WNT3: variants seen among roughly 807,000 people sequenced by gnomAD.
WNT3 encodes proto-oncogene Wnt-3.
A neutral mutation model predicts 34.2 loss-of-function variants in WNT3; 7 were observed. The ratio of observed to expected loss-of-function variants is 0.20; its 90% CI spans 0.12 to 0.38. WNT3 has a LOEUF of 0.38. WNT3 is among the 10% of genes least tolerant of loss of function. The probability of loss-of-function intolerance (pLI) is 1.00; values close to 1 mark genes in which losing one functional copy is unlikely to be tolerated. For synonymous variants in WNT3, 212 were observed against 211.5 expected (o/e 1.00, Z -0.02); for missense variants, 267 against 499.8 (o/e 0.53, Z 4.44).
intron 1 of WNT3, among the ~76,000 whole-genome samples, chr17:46,816,434 G>A (rs954143450): frequency 1.3e-4 from 19 of 144,064 alleles, no homozygotes; most frequent in African/African-American, 4.6e-4. Context: ...ACACACTGGT[G>A]TATAGAAAAC....
intron 2 of WNT3, 111 bp downstream of exon 2, chr17:46,773,557 A>G (rs1021649318): frequency 2.3e-6 from 3 of 1,281,242 alleles, no homozygotes; most frequent in Non-Finnish European, 3.2e-6. Flanking sequence ...TCACCCTCCC[A>G]GAGGGACCCT....
intron 3 of WNT3, among the ~76,000 whole-genome samples, chr17:46,769,031 A>AAAT (rs1247078791): frequency 1.3e-5 from 2 of 152,218 alleles, no homozygotes; most frequent in Non-Finnish European, 2.9e-5. Context: ...ACAGCGCATG[A>AAAT]AATACGAGTT....
At chr17:46,771,289 G>A (rs1226833765) in intron 2 of WNT3, among the ~76,000 whole-genome samples, 1 of 152,132 alleles carries the variant, frequency 6.6e-6, no homozygotes, top group African/African-American at 2.4e-5. Flanking sequence ...CCCGCGTCCA[G>A]TTGTGCTCCC....
In WNT3 at chr17:46,763,696, G is replaced by A. The variant is rs1230944951; in HGVS notation, c.*934C>T. The A allele has an allele frequency of 6.6e-6, 1 of 152,066 alleles. No individual in the cohort carries two copies. The highest frequency in any genetic ancestry group is 1.5e-5 in the Non-Finnish European group (1 of 68,026). The allele number at this position is 152,066 out of a possible 1,614,324, so 9.4% of individuals were successfully genotyped here. A position where few individuals can be genotyped will look rare whatever the true frequency, so the allele number is the denominator to read the frequency against. On this transcript the variant is annotated 3_prime_UTR_variant, in exon 5 of 5. Coordinates refer to ENST00000225512, the MANE Select transcript of WNT3 (RefSeq NM_030753.5). ...TGCTCTACCTGGAGTTATTTGTACA[G>A]AGAATCTGCAGGTGAGCAGGGCTGG...
Position 46,805,183 on chromosome 17 carries a change from C to T in WNT3, c.80+13335G>A, listed in dbSNP as rs964310810. Among the ~76,000 whole-genome samples the T allele has an allele frequency of 3.9e-5, 6 of 152,134 alleles. No homozygotes were observed. The South Asian group carries it at 8.3e-4, about 21-fold the overall frequency. ...TCCTCAAGTGCAAACTGGAACCCTA[C>T]CCCTGGAATCCCAGCACTTTGAGAG... On this transcript the variant is annotated intron_variant, in intron 1 of 4. Transcript: ENST00000225512.
intron 2 of WNT3, 40 bp downstream of exon 2, chr17:46,773,628 C>T: frequency 2.3e-6 from 1 of 435,286 alleles, no homozygotes; most frequent in South Asian, 1.8e-5. Context: ...ATCCCTCCCC[C>T]CACCCAGCCC....
chr17:46,770,071 C>A, intron 2 of WNT3, 23 bp from the exon 3 acceptor site: 1 of 1,527,696 alleles, frequency 6.5e-7, no homozygotes, highest in Non-Finnish European at 8.8e-7. Flanking sequence ...CGTGGGGAGG[C>A]AGCACTCAGG....
Position 46,763,831 on chromosome 17 carries a change from CAAAAAAA to C in WNT3, c.*792_*798del, listed in dbSNP as rs374185346. 1 of 123,714 alleles carries C rather than the reference CAAAAAAA, an allele frequency of 8.1e-6. No individual in the cohort carries two copies. The highest frequency in any genetic ancestry group is 3.3e-4 in the East Asian group (1 of 3,050). The allele number at this position is 123,714 out of a possible 1,614,324, so 7.7% of individuals were successfully genotyped here. On this transcript the variant is annotated 3_prime_UTR_variant, in exon 5 of 5. Coordinates refer to ENST00000225512, the MANE Select transcript of WNT3 (RefSeq NM_030753.5). ...GCCTATTTACAAGGTCCACTACCACCAAAAAAAAAAAAAAACAAAAAAACAAAAAAAA... is the reference window on the plus strand; with the variant it reads ...GCCTATTTACAAGGTCCACTACCACCAAAAAAAACAAAAAAACAAAAAAAA...
intron 1 of WNT3, among the ~76,000 whole-genome samples, chr17:46,793,398 T>C (rs1349635464): frequency 2.6e-5 from 4 of 151,584 alleles, no homozygotes; most frequent in Admixed American, 6.6e-5. Context: ...GCTCTGCTGC[T>C]CCGGCCGCTG....
At chr17:46,773,374 A>G (rs1398979644) in intron 2 of WNT3, among the ~76,000 whole-genome samples, 1 of 152,062 alleles carries the variant, frequency 6.6e-6, no homozygotes, top group Non-Finnish European at 1.5e-5. Flanking sequence ...GCATTGGGGA[A>G]ATGTCACAAA....
intron 1 of WNT3, among the ~76,000 whole-genome samples, chr17:46,784,198 A>C (rs1460746580): frequency 6.6e-6 from 1 of 152,184 alleles, no homozygotes; most frequent in Non-Finnish European, 1.5e-5. Flanking sequence ...CATGAGAAAC[A>C]GGAGGAAGGA....
intron 1 of WNT3, among the ~76,000 whole-genome samples, chr17:46,775,424 C>G (rs1202842432): frequency 1.3e-5 from 2 of 152,124 alleles, no homozygotes; most frequent in Non-Finnish European, 2.9e-5. Flanking sequence ...TGCTACCCAT[C>G]CACCTTGGTT....
chr17:46,769,481 A>G (rs2059344424), intron 3 of WNT3, among the ~76,000 whole-genome samples: 1 of 152,184 alleles, frequency 6.6e-6, no homozygotes, highest in Non-Finnish European at 1.5e-5. Context: ...AGGACTTGAC[A>G]GCCCTACACC....
At chr17:46,771,259 G>A (rs2098488023) in intron 2 of WNT3, among the ~76,000 whole-genome samples, 1 of 152,102 alleles carries the variant, frequency 6.6e-6, no homozygotes, top group Non-Finnish European at 1.5e-5. Context: ...ACCGAGGACG[G>A]CGGCAAGGGG....
chr17:46,778,888 G>T (rs2059433626), intron 1 of WNT3, among the ~76,000 whole-genome samples: 1 of 152,098 alleles, frequency 6.6e-6, no homozygotes, highest in African/African-American at 2.4e-5. Context: ...CCAGACAGAA[G>T]TCACCTCTCC....
intron 2 of WNT3, among the ~76,000 whole-genome samples, chr17:46,771,814 G>T (rs868080903): frequency 0.011 from 1,552 of 143,972 alleles, 12 homozygotes; most frequent in Middle Eastern, 0.038. Context: ...TGTGAATGGC[G>T]CGGCGGCCGC....
chr17:46,817,164 C>T (rs1296507520), intron 1 of WNT3, among the ~76,000 whole-genome samples: 1 of 152,214 alleles, frequency 6.6e-6, no homozygotes, highest in African/African-American at 2.4e-5. Flanking sequence ...ACAAATGCTG[C>T]CATCCCCAAA....
intron 1 of WNT3, among the ~76,000 whole-genome samples, chr17:46,781,294 T>C (rs1276915146): frequency 6.7e-6 from 1 of 149,924 alleles, no homozygotes; most frequent in Non-Finnish European, 1.5e-5. Context: ...TAGAGGAAAC[T>C]TGAAAACAAG....
chr17:46,773,651 C>CCCCCCCCCCA lies in WNT3; in HGVS notation c.322+16_322+17insTGGGGGGGGG. On this transcript the variant is annotated intron_variant, in intron 2 of 4. Transcript: ENST00000225512. ...CCCCACCCAGCCCCTCCCCCCCCCT[C>CCCCCCCCCCA]AGCCCCAAGGCAGTACCTTTGTCGA... 1 of 1,376,150 alleles carries CCCCCCCCCCA rather than the reference C, an allele frequency of 7.3e-7. No individual in the cohort carries two copies. Among genetic ancestry groups the CCCCCCCCCCA allele is most frequent in the South Asian group, 1.2e-5 (1 of 80,722 alleles). 85.2% of individuals were successfully genotyped at this position (1,376,150 alleles called of 1,614,324 possible).
Sources: allele counts gnomAD v4.1 joint callset (sites outside exome capture counted in the v4.1 genomes callset), GRCh38; gene constraint gnomAD v4.1.1; transcripts MANE v1.5; gene names NCBI Gene and HGNC (gene_info 2026-07-23, HGNC 2026-07-21).